UPF1: variants seen among roughly 807,000 people sequenced by gnomAD.
UPF1 encodes regulator of nonsense transcripts 1.
UPF1 carries 9 observed loss-of-function variants against 129.2 expected under a neutral mutation model. The observed-to-expected ratio is 0.07, with a 90% CI of 0.04 to 0.12. The LOEUF (loss-of-function observed/expected upper bound fraction) is 0.12. UPF1 is among the 10% of genes least tolerant of loss of function. The pLI, the probability that UPF1 is intolerant of heterozygous loss-of-function variation, is 1.00. For missense variants in UPF1, 788 were observed against 1,525.3 expected (o/e 0.52, Z 8.05); for synonymous variants, 649 against 644.9 (o/e 1.01, Z -0.10).
chr19:18,859,251 T>A (rs1485907872), intron 15 of UPF1: 1 of 152,222 alleles, frequency 6.6e-6, no homozygotes, highest in African/African-American at 2.4e-5. Context: ...GGGCAGACGC[T>A]GGTGCACACT....
chr19:18,860,178 G>A (rs892592344), intron 15 of UPF1, 143 bp from the exon 16 acceptor site: 2 of 842,610 alleles, frequency 2.4e-6, no homozygotes, highest in East Asian at 4.9e-5. Context: ...CGGCTCAGGT[G>A]ACCTCACCAG....
intron 1 of UPF1, among the ~76,000 whole-genome samples, chr19:18,842,897 G>GAAT (rs758482648): frequency 4.0e-4 from 60 of 151,890 alleles, no homozygotes; most frequent in Non-Finnish European, 7.1e-4. Context: ...TGAGGCAGGA[G>GAAT]AATCGCTTGA....
chr19:18,856,210 G>A lies in UPF1; in HGVS notation c.1734G>A (p.Gln578=), dbSNP rs780946393. ...GCATGCCTGAGCTGCAGAAGCTGCA[G>A]CAGCTGAAAGACGAGACTGGGGAGC... ...MDSMPELQKL[Q]QLKDETGELS... is the part of the protein sequence containing the mutation. Residue 578 remains glutamine, a synonymous_variant, in exon 13 of 24, where the codon CAG becomes CAA. Transcript: ENST00000262803. 1.2e-6 allele frequency: 2 copies of A among 1,610,352 alleles called. No homozygotes were observed. The highest frequency in any genetic ancestry group is 8.5e-7 in the Non-Finnish European group (1 of 1,177,100).
chr19:18,864,789 G>T (rs1165847324), intron 20 of UPF1, among the ~76,000 whole-genome samples: 1 of 131,948 alleles, frequency 7.6e-6, no homozygotes, highest in Non-Finnish European at 1.5e-5. Flanking sequence ...GCCCAAGCTG[G>T]AGTACAGTGG....
intron 18 of UPF1, 60 bp downstream of exon 18, chr19:18,862,212 A>G (rs2055788255): frequency 5.7e-6 from 9 of 1,591,528 alleles, no homozygotes; most frequent in South Asian, 2.2e-5. Flanking sequence ...TTCCCAGGGA[A>G]TTTGGGGCTA....
intron 8 of UPF1, 83 bp from the exon 9 acceptor site, chr19:18,854,518 C>A: frequency 9.1e-7 from 1 of 1,102,614 alleles, no homozygotes; most frequent in Non-Finnish European, 1.3e-6. Flanking sequence ...TTTAAAAACG[C>A]TGTTTAAAGA....
chr19:18,854,978 C>A lies in UPF1; in HGVS notation c.1365C>A (p.Ile455=), dbSNP rs775741702. The A allele has an allele frequency of 3.1e-6, 5 of 1,614,226 alleles. No individual in the cohort carries two copies. In the Admixed American group the frequency reaches 6.7e-5, roughly 22 times the overall value. ...GCCACGAGGTGGAGGACGTAATCAT[C>A]AAGTGCCAGCTGCCCAAGCGCTTCA... ...LLGHEVEDVI[I]KCQLPKRFTA... is the part of the protein sequence containing the mutation. The change falls in exon 10 of 24, where the codon ATC becomes ATA. Residue 455 remains isoleucine, a synonymous_variant. Transcript: ENST00000262803.
rs762310942 is a variant in UPF1 at position 18,856,246 on chromosome 19, C to T, written c.1770C>T (p.Ala590=). ...ACGAGACTGGGGAGCTGTCGTCTGC[C>T]GACGAGAAGCGGTACCGGGCCTTGA... ...LKDETGELSS[A]DEKRYRALKR... is the part of the protein sequence containing the mutation. Residue 590 remains alanine (A), a synonymous_variant, in exon 13 of 24, where the codon GCC becomes GCT. Transcript: ENST00000262803. 4 of 1,609,718 alleles carry T rather than the reference C, an allele frequency of 2.5e-6. No homozygotes were observed. The highest frequency in any genetic ancestry group is 3.4e-6 in the Non-Finnish European group (4 of 1,176,556).
At chr19:18,837,381 C>T (rs752967900) in intron 1 of UPF1, among the ~76,000 whole-genome samples, 5 of 152,198 alleles carry the variant, frequency 3.3e-5, no homozygotes, top group Non-Finnish European at 5.9e-5. Context: ...AGCCATTGAG[C>T]CTGGCAAAAG....
intron 1 of UPF1, among the ~76,000 whole-genome samples, chr19:18,843,611 TG>T (rs991174195): frequency 6.3e-5 from 9 of 143,036 alleles, no homozygotes; most frequent in African/African-American, 2.3e-4. Flanking sequence ...CTCCGCCTCC[TG>T]GGTTCAAGCG....
rs45467996 is a variant in UPF1 at position 18,855,350 on chromosome 19, G to A, written c.1544+108G>A. ...GGCTCTGTCACACCGAAGAGAGCAC[G>A]TGGCGGGTAGTGTCGCCATGGTGCC... On this transcript the variant is annotated intron_variant, in intron 11 of 23. Coordinates refer to ENST00000262803, the MANE Select transcript of UPF1 (RefSeq NM_002911.4). The A allele has an allele frequency of 0.032, 39,803 of 1,225,148 alleles. 840 individuals are homozygous for A. The highest frequency in any genetic ancestry group is 0.058 in the South Asian group (4,091 of 70,452). 75.9% of individuals were successfully genotyped at this position (1,225,148 alleles called of 1,614,324 possible).
intron 15 of UPF1, chr19:18,859,791 G>C (rs2055757499): frequency 6.6e-6 from 1 of 152,640 alleles, no homozygotes; most frequent in Non-Finnish European, 1.5e-5. Flanking sequence ...GAAGAAAGTG[G>C]CTGCTCACAT....
chr19:18,847,927 A>T (rs2055617914), intron 3 of UPF1, 94 bp downstream of exon 3: 2 of 1,396,046 alleles, frequency 1.4e-6, no homozygotes, highest in Non-Finnish European at 2.0e-6. Flanking sequence ...GTAATATAAA[A>T]TCACGCTAAC....
chr19:18,862,399 G>A (rs960089349), intron 18 of UPF1, among the ~76,000 whole-genome samples: 9 of 152,162 alleles, frequency 5.9e-5, no homozygotes, highest in Non-Finnish European at 1.2e-4. Flanking sequence ...TAAATCTTGT[G>A]TGTGTCTGTC....
rs943037839 is a variant in UPF1 at position 18,868,188 on chromosome 19, AAGTTC to A, written c.*1672_*1676del. 17 of 236,120 alleles carry A rather than the reference AAGTTC, an allele frequency of 7.2e-5. No individual in the cohort carries two copies. Among genetic ancestry groups the A allele is most frequent in the African/African-American group, 3.8e-4 (17 of 44,554 alleles). The allele number at this position is 236,120 out of a possible 1,614,324, so 14.6% of individuals were successfully genotyped here. A position where few individuals can be genotyped will look rare whatever the true frequency, so the allele number is the denominator to read the frequency against. On this transcript the variant is annotated 3_prime_UTR_variant, in exon 24 of 24. Coordinates refer to ENST00000262803, the MANE Select transcript of UPF1 (RefSeq NM_002911.4). ...GTAACTTTTGATTTTCGGTCAATTT[AAGTTC>A]TTTTGTCACCAAATATTAATAAACA... is the stretch of plus-strand genomic sequence containing the variant.
At chr19:18,866,322 C>T (rs1460198312) in intron 23 of UPF1, among the ~76,000 whole-genome samples, 156 bp downstream of exon 23, 1 of 152,180 alleles carries the variant, frequency 6.6e-6, no homozygotes, top group African/African-American at 2.4e-5. Context: ...TTGGCCTGTG[C>T]CCTTCACTGC....
chr19:18,865,177 C>G lies in UPF1; in HGVS notation c.2858-112C>G. ...TGCGAATCCGCATCTTCAGCCTGGG[C>G]AGAGCCAGGACAGATGTGCAGCTCC... On this transcript the variant is annotated intron_variant, in intron 20 of 23. Coordinates refer to ENST00000262803, the MANE Select transcript of UPF1 (RefSeq NM_002911.4). This position sits in a 1 kb window ranked among gnomAD's most constrained non-coding sequence, Gnocchi z 6.1. 7.5e-7 allele frequency: 1 copy of G among 1,327,288 alleles called. No individual in the cohort carries two copies. 82.2% of individuals were successfully genotyped at this position (1,327,288 alleles called of 1,614,324 possible).
At chr19:18,855,434 A>G (rs2055706377) in intron 11 of UPF1, 192 bp downstream of exon 11, 4 of 675,018 alleles carry the variant, frequency 5.9e-6, no homozygotes, top group Non-Finnish European at 9.8e-6. Context: ...GCATTTTAGT[A>G]ACCAGGTCTG....
At chr19:18,858,714 C>T (rs1461885459) in intron 15 of UPF1, among the ~76,000 whole-genome samples, 7 of 152,044 alleles carry the variant, frequency 4.6e-5, no homozygotes, top group Non-Finnish European at 1.5e-5. Flanking sequence ...GCCCAGCTGC[C>T]TCCGATTCAG....
Sources: gnomAD v4.1 joint callset for allele counts (sites outside exome capture counted in the v4.1 genomes callset) on GRCh38, gnomAD v4.1.1 for gene constraint, Gnocchi (gnomAD v3.1) non-coding constraint, MANE v1.5 for transcripts, NCBI Gene and HGNC (gene_info 2026-07-23, HGNC 2026-07-21) for gene names.